Variants in PYROXD2 observed in about 807,000 individuals in gnomAD.
PYROXD2 encodes pyridine nucleotide-disulfide oxidoreductase domain-containing protein 2.
Under a neutral mutation model 71.1 loss-of-function variants are expected in PYROXD2, and 69 were observed. The ratio of observed to expected loss-of-function variants is 0.97; its 90% CI spans 0.80 to 1.19. PYROXD2 has a LOEUF of 1.19. Ranked by LOEUF, PYROXD2 falls within the 50% of genes most tolerant of loss-of-function variation. The probability of loss-of-function intolerance (pLI) is 0.00; values close to 1 mark genes in which losing one functional copy is unlikely to be tolerated. For missense variants in PYROXD2, 745 were observed against 748.9 expected (o/e 0.99, Z 0.06); for synonymous variants, 287 against 302.7 (o/e 0.95, Z 0.54).
At chr10:98,388,627 G>C in intron 12 of PYROXD2, 119 bp from the exon 13 acceptor site, 1 of 1,132,686 alleles carries the variant, frequency 8.8e-7, no homozygotes, top group Non-Finnish European at 1.2e-6. Context: ...GGCGATTGTC[G>C]CTCTACAGCC....
intron 4 of PYROXD2, among the ~76,000 whole-genome samples, chr10:98,406,709 C>T (rs1402113224): frequency 1.3e-5 from 2 of 151,850 alleles, no homozygotes; most frequent in South Asian, 2.1e-4. Context: ...CCGGCTAACA[C>T]GGTGAAAGCC....
intron 13 of PYROXD2, 111 bp downstream of exon 13, chr10:98,388,243 G>T: frequency 9.2e-7 from 1 of 1,089,538 alleles, no homozygotes; most frequent in Non-Finnish European, 1.4e-6. Context: ...TCCTCCCTTT[G>T]GAATGGCACC....
chr10:98,392,431 C>T lies in PYROXD2; in HGVS notation c.1062+1G>A. ...CTCCACCCTCCTGCCCACAGCCTCA[C>T]CTGTGGCGTCAGCTTCAGGAAGGTG... On this transcript the variant is annotated splice_donor_variant, in intron 10 of 15. Transcript: ENST00000370575. LOFTEE classifies it high-confidence loss of function. 2.5e-6 allele frequency: 4 copies of T among 1,613,356 alleles called. No individual in the cohort carries two copies. The highest frequency in any genetic ancestry group is 1.3e-5 in the African/African-American group (1 of 75,056).
intron 1 of PYROXD2, chr10:98,414,410 A>AG (rs5787284): frequency 0.36 from 55,028 of 151,980 alleles, 11,105 homozygotes; most frequent in African/African-American, 0.53. Context: ...AAAGTGTGGC[A>AG]GATCACTGCA....
chr10:98,411,399 G>T, intron 1 of PYROXD2: 1 of 180,204 alleles, frequency 5.5e-6, no homozygotes, highest in Non-Finnish European at 1.2e-5. Context: ...GGGAGTGCTG[G>T]TCATGTAGGT....
In PYROXD2 at chr10:98,400,103, T is replaced by C. The variant is rs759706548; in HGVS notation, c.470A>G (p.Gln157Arg). 3.1e-6 allele frequency: 5 copies of C among 1,612,538 alleles called. No homozygotes were observed. The African/African-American group carries it at 5.3e-5, about 17-fold the overall frequency. The change falls in exon 5 of 16, where the codon CAG becomes CGG. Residue 157 changes from glutamine to arginine, a missense_variant and splice_region_variant. Coordinates refer to ENST00000370575, the MANE Select transcript of PYROXD2 (RefSeq NM_032709.3). ...QIAQFSQKDA[Q>R]VFPKYEEFMH... Reference sequence around the variant, plus strand: ...TCAGTCACTGGTCGCCTTCCCTACCTGGGCATCCTTCTGGGAGAACTGGGC... The same window carrying C: ...TCAGTCACTGGTCGCCTTCCCTACCCGGGCATCCTTCTGGGAGAACTGGGC...
At chr10:98,386,982 G>A (rs1842774490) in intron 14 of PYROXD2, among the ~76,000 whole-genome samples, 1 of 152,158 alleles carries the variant, frequency 6.6e-6, no homozygotes, top group African/African-American at 2.4e-5. Context: ...CTTCTCAGTG[G>A]GGGCTGTCCT....
At chr10:98,401,082 G>A (rs950381012) in intron 4 of PYROXD2, among the ~76,000 whole-genome samples, 33 of 151,828 alleles carry the variant, frequency 2.2e-4, no homozygotes, top group South Asian at 6.2e-4. Context: ...GTGAAACCCC[G>A]TCTCTAGTAA....
intron 4 of PYROXD2, among the ~76,000 whole-genome samples, chr10:98,401,277 C>CAAAG (rs1256596375): frequency 2.9e-5 from 3 of 104,126 alleles, no homozygotes; most frequent in Non-Finnish European, 5.7e-5. Context: ...CAAAAAAAAA[C>CAAAG]AAACATAGAA....
intron 1 of PYROXD2, among the ~76,000 whole-genome samples, chr10:98,412,857 G>A (rs1296404607): frequency 6.6e-6 from 1 of 152,230 alleles, no homozygotes; most frequent in Non-Finnish European, 1.5e-5. Flanking sequence ...AGCAGGGTGA[G>A]CTGTGGCTGA....
intron 10 of PYROXD2, 22 bp from the exon 11 acceptor site, chr10:98,391,104 A>G: frequency 6.5e-7 from 1 of 1,528,946 alleles, no homozygotes; most frequent in Non-Finnish European, 9.1e-7. Flanking sequence ...AGGCTCCATG[A>G]AAGGCCTCAG....
rs182845062 is a variant in PYROXD2 at position 98,404,454 on chromosome 10, A to T, written c.315+3128T>A. ...TTTAGTGAAGGTTTTTCTTTTAACA[A>T]TAGGTTTAATTATGTGGAGTCTGAA... On this transcript the variant is annotated intron_variant, in intron 4 of 15. Coordinates refer to ENST00000370575, the MANE Select transcript of PYROXD2 (RefSeq NM_032709.3). Among the ~76,000 whole-genome samples the T allele has an allele frequency of 3.9e-5, 6 of 152,318 alleles. No homozygotes were observed. In the East Asian group the frequency reaches 1.2e-3, roughly 29 times the overall value.
At position 98,393,063 on chromosome 10, in the gene PYROXD2, A is replaced by G. The variant is rs1843004836; in HGVS notation, c.806T>C (p.Val269Ala). ...CTGCATTCCCTCCAGGCCCCCCATC[A>G]CATGGTGCAGCAGCACATACCTGTG... The part of the protein sequence containing the change: ...PGSGYVLLHH[V>A]MGGLEGMQGA... The change falls in exon 9 of 16, where the codon GTG (valine) becomes GCG (alanine). Residue 269 changes from valine (V) to alanine (A), a missense_variant. By Grantham distance (64) the Val-to-Ala change is moderately conservative (BLOSUM62 0). Coordinates refer to ENST00000370575, the MANE Select transcript of PYROXD2 (RefSeq NM_032709.3). 6.3e-7 allele frequency: 1 copy of G among 1,589,220 alleles called. No individual in the cohort carries two copies. Among genetic ancestry groups the G allele is most frequent in the Non-Finnish European group, 8.5e-7 (1 of 1,172,256 alleles).
intron 2 of PYROXD2, 155 bp downstream of exon 2, chr10:98,410,784 C>A (rs1048128672): frequency 2.7e-6 from 3 of 1,123,066 alleles, no homozygotes; most frequent in Non-Finnish European, 3.8e-6. Flanking sequence ...GACCCAGCCC[C>A]CAGTCAGCAC....
chr10:98,414,972 C>A (rs754134033), intron 1 of PYROXD2, 37 bp downstream of exon 1: 30 of 1,604,622 alleles, frequency 1.9e-5, no homozygotes, highest in African/African-American at 4.0e-5. Context: ...TGTCTTCCCG[C>A]CCCTCAGCTC....
At position 98,387,279 on chromosome 10, in the gene PYROXD2, A is replaced by G. The variant is rs755067382; in HGVS notation, c.1476T>C (p.Pro492=). 1.9e-6 allele frequency: 3 copies of G among 1,614,144 alleles called. No homozygotes were observed. Among genetic ancestry groups the G allele is most frequent in the Non-Finnish European group, 2.5e-6 (3 of 1,179,988 alleles). The change falls in exon 14 of 16, where the codon CCT becomes CCC. Residue 492 remains proline, a synonymous_variant. Transcript: ENST00000370575. ...RVFDCIEVYA[P]GFKDSVVGRD... ...TGCCAACCACAGAGTCCTTGAAGCC[A>G]GGGGCATAGACCTCGATGCAATCAA...
intron 5 of PYROXD2, 71 bp downstream of exon 5, chr10:98,400,031 G>C (rs562603350): frequency 6.4e-7 from 1 of 1,562,332 alleles, no homozygotes; most frequent in South Asian, 1.2e-5. Context: ...AATTGTTCTA[G>C]GACAATCCAA....
intron 2 of PYROXD2, among the ~76,000 whole-genome samples, chr10:98,408,227 C>T (rs545953132): frequency 4.6e-5 from 7 of 152,330 alleles, no homozygotes; most frequent in East Asian, 1.9e-4. Context: ...GGCCTGCTCC[C>T]GCCCCTCCAC....
At chr10:98,409,853 G>T (rs183592868) in intron 2 of PYROXD2, among the ~76,000 whole-genome samples, 2 of 152,090 alleles carry the variant, frequency 1.3e-5, no homozygotes, top group African/African-American at 4.8e-5. Flanking sequence ...TGAGGCAGGC[G>T]GGTCACCTGA....
Sources: allele counts gnomAD v4.1 joint callset (sites outside exome capture counted in the v4.1 genomes callset), GRCh38; gene constraint gnomAD v4.1.1; transcripts MANE v1.5; gene names NCBI Gene and HGNC (gene_info 2026-07-23, HGNC 2026-07-21).